Variants in SARNP observed in about 807,000 individuals in gnomAD.
SARNP encodes SAP domain containing ribonucleoprotein, also known as SAP domain-containing ribonucleoprotein.
SARNP carries 5 observed loss-of-function variants against 38.1 expected under a neutral mutation model. That is an observed-to-expected ratio of 0.13 (90% confidence interval 0.07 to 0.28). SARNP has a LOEUF of 0.28. Ranked by LOEUF, SARNP falls within the 10% of genes least tolerant of loss-of-function variation. SARNP has a pLI of 1.00. For synonymous variants in SARNP, 84 were observed against 80.6 expected, an observed-to-expected ratio of 1.04 and a Z score of -0.23; for missense variants, 180 against 243.9, an observed-to-expected ratio of 0.74 and a Z score of 1.75.
Position 55,800,570 on chromosome 12 carries a change from A to C in SARNP, c.243T>G (p.Thr81=), listed in dbSNP as rs1351966327. 5.6e-6 allele frequency: 9 copies of C among 1,607,346 alleles called. No homozygotes were observed. The highest frequency in any genetic ancestry group is 7.7e-6 in the Non-Finnish European group (9 of 1,175,432). Residue 81 remains threonine, a synonymous_variant, in exon 4 of 11, where the codon ACT becomes ACG. Transcript: ENST00000336133. The part of the protein sequence containing the change: ...PVKEEEPPEK[T]VDVAAEKKVV... ...AAAAAAGGGATAATTACACATCAACAGTTTTTTCAGGGGGTTCTTCCTCTT... is the reference window on the plus strand; with the variant it reads ...AAAAAAGGGATAATTACACATCAACCGTTTTTTCAGGGGGTTCTTCCTCTT...
chr12:55,777,398 GGA>G (rs1321838425), intron 9 of SARNP, among the ~76,000 whole-genome samples: 1 of 145,010 alleles, frequency 6.9e-6, no homozygotes, highest in Non-Finnish European at 1.5e-5. Context: ...TTTTTGAGAT[GGA>G]GTCTCGCTCT....
intron 9 of SARNP, among the ~76,000 whole-genome samples, chr12:55,785,030 G>T (rs1879449682): frequency 6.6e-6 from 1 of 152,152 alleles, no homozygotes; most frequent in South Asian, 2.1e-4. Context: ...AGTGTGTAAA[G>T]GTCCAGAAAT....
At chr12:55,794,653 G>A (rs1429985498) in intron 6 of SARNP, among the ~76,000 whole-genome samples, 154 bp downstream of exon 6, 1 of 152,064 alleles carries the variant, frequency 6.6e-6, no homozygotes, top group Admixed American at 6.5e-5. Flanking sequence ...AACCAAATCA[G>A]TAGACATGTT....
chr12:55,761,248 T>C (rs1878667362), intron 9 of SARNP, among the ~76,000 whole-genome samples: 1 of 152,146 alleles, frequency 6.6e-6, no homozygotes, highest in African/African-American at 2.4e-5. Flanking sequence ...CAAGCAATTC[T>C]GGCAGTTGAG....
chr12:55,808,600 T>A (rs1880227990), intron 1 of SARNP, among the ~76,000 whole-genome samples: 1 of 150,120 alleles, frequency 6.7e-6, no homozygotes, highest in South Asian at 2.1e-4. Context: ...CCCAGCCAAA[T>A]TTTTTTTTTA....
At chr12:55,778,009 G>A (rs1391500166) in intron 9 of SARNP, among the ~76,000 whole-genome samples, 1 of 152,190 alleles carries the variant, frequency 6.6e-6, no homozygotes, top group African/African-American at 2.4e-5. Context: ...GGGTGTGGGG[G>A]AAACTGGGAA....
chr12:55,757,065 T>C (rs1878527704), downstream of SARNP: 2 of 152,628 alleles, frequency 1.3e-5, no homozygotes, highest in African/African-American at 4.8e-5. Flanking sequence ...TAACTTAACC[T>C]CTTCACAGAG....
chr12:55,813,028 C>T (rs1446345631), intron 1 of SARNP, among the ~76,000 whole-genome samples: 1 of 152,154 alleles, frequency 6.6e-6, no homozygotes, highest in African/African-American at 2.4e-5. Context: ...CTCCTGCAAC[C>T]TCCGCCTCCT....
At chr12:55,811,173 C>T (rs1380930745) in intron 1 of SARNP, among the ~76,000 whole-genome samples, 3 of 152,048 alleles carry the variant, frequency 2.0e-5, no homozygotes, top group Non-Finnish European at 4.4e-5. Context: ...CCACCTATAA[C>T]ATATATGATG....
At chr12:55,802,257 A>G (rs1880000957) in intron 2 of SARNP, among the ~76,000 whole-genome samples, 1 of 152,158 alleles carries the variant, frequency 6.6e-6, no homozygotes, top group African/African-American at 2.4e-5. Context: ...AATATTAATT[A>G]GCAATACCAT....
At chr12:55,783,227 C>T (rs1017624621) in intron 9 of SARNP, among the ~76,000 whole-genome samples, 15 of 147,804 alleles carry the variant, frequency 1.0e-4, no homozygotes, top group African/African-American at 3.8e-4. Context: ...AACAACCAGT[C>T]AAGCACAAGA....
intron 7 of SARNP, among the ~76,000 whole-genome samples, chr12:55,792,083 C>T (rs1011668868): frequency 6.6e-6 from 1 of 152,058 alleles, no homozygotes; most frequent in African/African-American, 2.4e-5. Flanking sequence ...ATAGTGAAAC[C>T]CTGTCTCTTA....
chr12:55,773,830 G>A (rs573686908), intron 9 of SARNP, among the ~76,000 whole-genome samples: 5 of 152,068 alleles, frequency 3.3e-5, no homozygotes, highest in African/African-American at 1.2e-4. Flanking sequence ...TCCTGCCTCA[G>A]CCTCCTGAGT....
chr12:55,779,138 G>C (rs993692063), intron 9 of SARNP, among the ~76,000 whole-genome samples: 1 of 152,148 alleles, frequency 6.6e-6, no homozygotes, highest in Non-Finnish European at 1.5e-5. Flanking sequence ...TCTCTCAACT[G>C]CTATCTCTAT....
rs559397728 is a variant in SARNP, at chr12:55,769,887, T to C, written c.502-9247A>G. ...TTAAGGTCAACTAGCTAAGCTATGA[T>C]GTTCAGAAGGTTAGGTGTATTAAAT... On this transcript the variant is annotated intron_variant, in intron 9 of 10. Coordinates refer to ENST00000336133, the MANE Select transcript of SARNP (RefSeq NM_033082.4). Among the ~76,000 whole-genome samples, 4 of 152,344 alleles carry C rather than the reference T, an allele frequency of 2.6e-5. No homozygotes were observed. The South Asian group carries it at 8.3e-4, about 32-fold the overall frequency.
At chr12:55,790,100 G>C (rs1054399153) in intron 8 of SARNP, among the ~76,000 whole-genome samples, 4 of 150,468 alleles carry the variant, frequency 2.7e-5, no homozygotes, top group Admixed American at 6.6e-5. Flanking sequence ...ATGCTGACTA[G>C]TCACAATGGT....
intron 1 of SARNP, among the ~76,000 whole-genome samples, chr12:55,806,644 T>A (rs774738308): frequency 2.0e-5 from 3 of 152,184 alleles, no homozygotes; most frequent in Non-Finnish European, 4.4e-5. Flanking sequence ...CGACCTCAGC[T>A]CACTGCAACC....
At chr12:55,782,803 GCTTCAAA>G (rs1167741759) in intron 9 of SARNP, among the ~76,000 whole-genome samples, 1 of 152,084 alleles carries the variant, frequency 6.6e-6, no homozygotes, top group Non-Finnish European at 1.5e-5. Context: ...TGTTGCCCAG[GCTTCAAA>G]CTCCTTTCCA....
intron 1 of SARNP, among the ~76,000 whole-genome samples, chr12:55,814,686 T>C (rs2136210282): frequency 6.6e-6 from 1 of 152,172 alleles, no homozygotes; most frequent in East Asian, 1.9e-4. Flanking sequence ...ACCAATAACA[T>C]GGTGAAACCC....
Sources: allele counts gnomAD v4.1 joint callset (sites outside exome capture counted in the v4.1 genomes callset), GRCh38; gene constraint gnomAD v4.1.1; transcripts MANE v1.5; gene names NCBI Gene and HGNC (gene_info 2026-07-23, HGNC 2026-07-21).